Variants in AFTPH observed in about 807,000 individuals in gnomAD.
AFTPH encodes aftiphilin protein.
A neutral mutation model predicts 72.5 loss-of-function variants in AFTPH; 7 were observed. The ratio of observed to expected loss-of-function variants is 0.10; its 90% CI spans 0.05 to 0.18. The LOEUF (loss-of-function observed/expected upper bound fraction) is 0.18. Ranked by LOEUF, AFTPH falls within the 10% of genes least tolerant of loss-of-function variation. AFTPH has a pLI of 1.00. For synonymous variants in AFTPH, 337 were observed against 370.1 expected (o/e 0.91, Z 1.03); for missense variants, 979 against 1,060.5 (o/e 0.92, Z 1.07).
At chr2:64,590,688 TG>T (rs1188101515) in intron 8 of AFTPH, among the ~76,000 whole-genome samples, 1 of 152,256 alleles carries the variant, frequency 6.6e-6, no homozygotes, top group Non-Finnish European at 1.5e-5. Flanking sequence ...ATGCAGTATT[TG>T]GTTCATCTGC....
At chr2:64,526,600 C>T (rs1362913) in intron 1 of AFTPH, among the ~76,000 whole-genome samples, 47,019 of 151,944 alleles carry the variant, frequency 0.31, 7,349 homozygotes, top group South Asian at 0.39. Flanking sequence ...CCTTTCTAGC[C>T]GGAACTTTAT....
At chr2:64,548,310 G>A (rs1013336346) in intron 1 of AFTPH, among the ~76,000 whole-genome samples, 3 of 144,230 alleles carry the variant, frequency 2.1e-5, no homozygotes, top group South Asian at 2.1e-4. Flanking sequence ...GGAGAATGGC[G>A]TGAACCCGGG....
intron 2 of AFTPH, among the ~76,000 whole-genome samples, chr2:64,560,334 C>T (rs539986026): frequency 6.6e-6 from 1 of 151,730 alleles, no homozygotes; most frequent in East Asian, 1.9e-4. Flanking sequence ...ATGAATTAAA[C>T]CATTGGGTAA....
At chr2:64,585,820 T>G (rs923685742) in intron 8 of AFTPH, among the ~76,000 whole-genome samples, 18 of 146,844 alleles carry the variant, frequency 1.2e-4, no homozygotes, top group Non-Finnish European at 2.7e-4. Flanking sequence ...AGAGACTAAT[T>G]CTGATTAAGT....
chr2:64,549,403 C>T (rs1232928001), intron 1 of AFTPH, among the ~76,000 whole-genome samples: 1 of 136,336 alleles, frequency 7.3e-6, no homozygotes, highest in African/African-American at 2.6e-5. Context: ...TCATTGCAAT[C>T]TCCACCTCCT....
chr2:64,562,962 C>G (rs1671829260), intron 2 of AFTPH, among the ~76,000 whole-genome samples: 1 of 152,182 alleles, frequency 6.6e-6, no homozygotes, highest in East Asian at 1.9e-4. Flanking sequence ...ACATCTAATT[C>G]AAGTCCACAC....
intron 1 of AFTPH, among the ~76,000 whole-genome samples, chr2:64,528,987 AGAGTT>A (rs1669444173): frequency 6.6e-6 from 1 of 152,200 alleles, no homozygotes; most frequent in South Asian, 2.1e-4. Context: ...TTGTGCTGGT[AGAGTT>A]AAGAAGAGAT....
chr2:64,548,023 T>C (rs987244314), intron 1 of AFTPH, among the ~76,000 whole-genome samples: 8 of 151,298 alleles, frequency 5.3e-5, no homozygotes. Flanking sequence ...ACTCCTGGGC[T>C]CAAGTAATTC....
chr2:64,542,364 A>G lies in AFTPH; in HGVS notation c.-32-9079A>G, dbSNP rs150925826. 1.1e-3 allele frequency among the ~76,000 whole-genome samples: 174 copies of G among 152,282 alleles called. 2 individuals are homozygous for G. The highest frequency in any genetic ancestry group is 4.0e-3 in the African/African-American group (167 of 41,554). ...GAGGAATACGTAGGGAATACCCTAT[A>G]TATTTCCCACATGTGATGAATCTTT... is the stretch of plus-strand genomic sequence containing the variant. On this transcript the variant is annotated intron_variant, in intron 1 of 8. Coordinates refer to ENST00000238856, the Ensembl canonical transcript of AFTPH.
intron 1 of AFTPH, among the ~76,000 whole-genome samples, chr2:64,535,719 C>T (rs1242846842): frequency 6.6e-6 from 1 of 152,122 alleles, no homozygotes; most frequent in Non-Finnish European, 1.5e-5. Context: ...ATTTTGAAGG[C>T]TTAGTCAGTG....
At chr2:64,572,766 T>C (rs572206268) in intron 5 of AFTPH, among the ~76,000 whole-genome samples, 180 bp from the exon 6 acceptor site, 1 of 151,572 alleles carries the variant, frequency 6.6e-6, no homozygotes, top group Non-Finnish European at 1.5e-5. Context: ...CCAGGGAGAT[T>C]GAGGCCAGCC....
At chr2:64,569,770 A>C in intron 5 of AFTPH, 91 bp downstream of exon 5, 2 of 1,207,188 alleles carry the variant, frequency 1.7e-6, no homozygotes, top group Non-Finnish European at 2.4e-6. Context: ...CATGCTATAT[A>C]AGAGACATTT....
chr2:64,579,680 C>CTTTCTGAACAGTAATTGCTCAAGA (rs1200660109), intron 7 of AFTPH, 134 bp downstream of exon 7: 87 of 748,942 alleles, frequency 1.2e-4, no homozygotes, highest in Non-Finnish European at 1.7e-4. Flanking sequence ...TTCAGGCTTT[C>CTTTCTGAACAGTAATTGCTCAAGA]TTTCTGAACA....
At chr2:64,544,516 C>T (rs1241164992) in intron 1 of AFTPH, among the ~76,000 whole-genome samples, 2 of 152,042 alleles carry the variant, frequency 1.3e-5, no homozygotes, top group Non-Finnish European at 2.9e-5. Flanking sequence ...TAGTCCATTA[C>T]GAAGGATGAA....
At chr2:64,525,975 A>G (rs1669238488) in intron 1 of AFTPH, among the ~76,000 whole-genome samples, 1 of 152,282 alleles carries the variant, frequency 6.6e-6, no homozygotes, top group South Asian at 2.1e-4. Context: ...CGTGGATTAA[A>G]TTAGATATAT....
At chr2:64,538,457 C>A (rs115852282) in intron 1 of AFTPH, among the ~76,000 whole-genome samples, 1 of 152,152 alleles carries the variant, frequency 6.6e-6, no homozygotes, top group Non-Finnish European at 1.5e-5. Context: ...ACACTCCACA[C>A]GCATACACTC....
chr2:64,579,887 AATTTTCTTGGATGC>A (rs1673066883), intron 7 of AFTPH: 1 of 195,820 alleles, frequency 5.1e-6, no homozygotes, highest in African/African-American at 2.3e-5. Context: ...TAATTTTTGG[AATTTTCTTGGATGC>A]AAAGTCTTGT....
intron 1 of AFTPH, among the ~76,000 whole-genome samples, chr2:64,548,407 GAAAAAAAAA>G (rs57995634): frequency 5.0e-4 from 30 of 59,994 alleles, no homozygotes; most frequent in South Asian, 4.5e-3. Context: ...CTCAAAAAAA[GAAAAAAAAA>G]AAAAAAAAAA....
At chr2:64,573,376 C>G (rs1431304548) in intron 6 of AFTPH, among the ~76,000 whole-genome samples, 4 of 148,388 alleles carry the variant, frequency 2.7e-5, no homozygotes, top group Non-Finnish European at 5.9e-5. Flanking sequence ...AAGTCCCTTA[C>G]AGTTTGAATA....
Sources: allele counts gnomAD v4.1 joint callset (sites outside exome capture counted in the v4.1 genomes callset), GRCh38; gene constraint gnomAD v4.1.1; transcripts MANE v1.5; gene names NCBI Gene and HGNC (gene_info 2026-07-23, HGNC 2026-07-21).